Variants in DOCK3 observed in about 807,000 individuals in gnomAD.
DOCK3 encodes the protein dedicator of cytokinesis 3.
In DOCK3, 60 loss-of-function variants were observed where a neutral mutation model predicts 265.6. The observed-to-expected ratio is 0.23, with a 90% CI of 0.18 to 0.28. The LOEUF is 0.28. Ranked by LOEUF, DOCK3 falls within the 10% of genes least tolerant of loss-of-function variation. The probability of loss-of-function intolerance (pLI) is 1.00; values close to 1 mark genes in which losing one functional copy is unlikely to be tolerated. For synonymous variants in DOCK3, 881 were observed against 938.0 expected, an observed-to-expected ratio of 0.94 and a Z score of 1.11; for missense variants, 1,981 against 2,594.3, an observed-to-expected ratio of 0.76 and a Z score of 5.14.
At chr3:51,364,863 C>G (rs1168414962) in intron 49 of DOCK3, among the ~76,000 whole-genome samples, 1 of 152,162 alleles carries the variant, frequency 6.6e-6, no homozygotes, top group Admixed American at 6.5e-5. Context: ...GGTACCAGTA[C>G]CATGCTGTTT....
intron 3 of DOCK3, among the ~76,000 whole-genome samples, chr3:50,874,042 G>GTTTTTT (rs869155239): frequency 8.7e-6 from 1 of 115,176 alleles, no homozygotes; most frequent in African/African-American, 3.3e-5. Flanking sequence ...TCATGAAGGT[G>GTTTTTT]TTTTTTTTTT....
intron 5 of DOCK3, among the ~76,000 whole-genome samples, chr3:50,961,273 G>A (rs981633244): frequency 1.5e-4 from 23 of 152,112 alleles, no homozygotes; most frequent in African/African-American, 4.8e-4. Flanking sequence ...ATTATAGTTG[G>A]CAGATTTTTT....
chr3:51,270,024 A>G (rs2080415768), intron 23 of DOCK3, among the ~76,000 whole-genome samples: 1 of 152,098 alleles, frequency 6.6e-6, no homozygotes, highest in Non-Finnish European at 1.5e-5. Flanking sequence ...CTGCCTCCCA[A>G]AGGCTGTGGA....
In DOCK3 at chr3:50,798,688, CTT is replaced by C. The variant is rs150081994; in HGVS notation, c.121+19933_121+19934del. ...TATTTTCTCCCATTCTGTAGGTTGT[CTT>C]TTCACTTTATTATTTCCTTTGCTGT... On this transcript the variant is annotated intron_variant, in intron 2 of 52. Transcript: ENST00000266037. Among the ~76,000 whole-genome samples the C allele has an allele frequency of 1.8e-4, 28 of 152,026 alleles. No individual in the cohort carries two copies. The East Asian group carries it at 3.5e-3, about 19-fold the overall frequency.
chr3:50,849,905 G>A (rs1412206183), intron 3 of DOCK3, among the ~76,000 whole-genome samples: 3 of 151,694 alleles, frequency 2.0e-5, no homozygotes, highest in South Asian at 2.1e-4. Context: ...GCAACATAGC[G>A]AAACCTCGTC....
chr3:51,231,576 G>A (rs906799790), intron 19 of DOCK3, among the ~76,000 whole-genome samples: 1 of 152,100 alleles, frequency 6.6e-6, no homozygotes, highest in Non-Finnish European at 1.5e-5. Flanking sequence ...AGAAGTGTCT[G>A]TCCATGTCTT....
intron 9 of DOCK3, among the ~76,000 whole-genome samples, chr3:51,107,157 A>G (rs55874849): frequency 0.078 from 11,813 of 152,256 alleles, 605 homozygotes; most frequent in Non-Finnish European, 0.12. Context: ...TTATATCACA[A>G]TCAAACCCCC....
chr3:51,033,287 T>A (rs1224657396), intron 5 of DOCK3, among the ~76,000 whole-genome samples: 1 of 152,200 alleles, frequency 6.6e-6, no homozygotes, highest in African/African-American at 2.4e-5. Flanking sequence ...CAAAACAATC[T>A]CATAATAAGC....
intron 5 of DOCK3, among the ~76,000 whole-genome samples, chr3:50,967,521 G>T (rs1016121090): frequency 3.9e-5 from 6 of 152,088 alleles, no homozygotes; most frequent in African/African-American, 1.4e-4. Context: ...ACCCATATTA[G>T]TCCCTTTTCA....
At chr3:51,367,238 A>T (rs1184552675) in intron 49 of DOCK3, among the ~76,000 whole-genome samples, 1 of 152,300 alleles carries the variant, frequency 6.6e-6, no homozygotes, top group African/African-American at 2.4e-5. Context: ...CTTTACCGTT[A>T]TGTAATGGCC....
intron 16 of DOCK3, among the ~76,000 whole-genome samples, chr3:51,227,694 A>G (rs2090388265): frequency 6.6e-6 from 1 of 152,194 alleles, no homozygotes; most frequent in Non-Finnish European, 1.5e-5. Context: ...ATCCATTGTC[A>G]TTCTCCTTTG....
At chr3:50,903,426 T>C (rs1195349611) in intron 4 of DOCK3, among the ~76,000 whole-genome samples, 4 of 152,210 alleles carry the variant, frequency 2.6e-5, no homozygotes, top group Admixed American at 2.6e-4. Context: ...GAGATAATCA[T>C]GTTGTTTTTG....
intron 21 of DOCK3, among the ~76,000 whole-genome samples, chr3:51,243,057 G>A (rs1261272576): frequency 6.6e-6 from 1 of 152,162 alleles, no homozygotes; most frequent in East Asian, 1.9e-4. Context: ...CCCTAGGAGA[G>A]GCCAGCCAAC....
intron 5 of DOCK3, among the ~76,000 whole-genome samples, chr3:51,046,708 A>G (rs1322506507): frequency 6.6e-6 from 1 of 152,156 alleles, no homozygotes; most frequent in Non-Finnish European, 1.5e-5. Flanking sequence ...AGTCCTGAAC[A>G]ACAGTATAGA....
At chr3:51,070,802 A>G (rs751304301) in intron 6 of DOCK3, among the ~76,000 whole-genome samples, 2 of 152,144 alleles carry the variant, frequency 1.3e-5, no homozygotes, top group Non-Finnish European at 1.5e-5. Flanking sequence ...GTGAGCCAGT[A>G]TTACTACCTG....
chr3:50,936,369 G>C (rs1376744352), intron 5 of DOCK3, among the ~76,000 whole-genome samples: 1 of 150,370 alleles, frequency 6.7e-6, no homozygotes, highest in Non-Finnish European at 1.5e-5. Flanking sequence ...ACAGGATGTG[G>C]AGCCAAAAAA....
intron 2 of DOCK3, among the ~76,000 whole-genome samples, chr3:50,820,526 A>G (rs967232081): frequency 1.9e-4 from 29 of 152,236 alleles, no homozygotes; most frequent in African/African-American, 6.3e-4. Context: ...ATGGCTGCAT[A>G]GTATTCCACG....
intron 13 of DOCK3, 108 bp downstream of exon 13, chr3:51,208,970 T>A: frequency 1.1e-6 from 1 of 925,642 alleles, no homozygotes; most frequent in Non-Finnish European, 1.6e-6. Context: ...CTACAGATAT[T>A]TATTCTCCTG....
At chr3:51,327,359 T>C (rs757659322) in intron 32 of DOCK3, among the ~76,000 whole-genome samples, 2 of 152,160 alleles carry the variant, frequency 1.3e-5, no homozygotes, top group Non-Finnish European at 2.9e-5. Flanking sequence ...ATGTAGAAAC[T>C]TGGGCTTAGA....
Sources: allele counts gnomAD v4.1 joint callset (sites outside exome capture counted in the v4.1 genomes callset), GRCh38; gene constraint gnomAD v4.1.1; transcripts MANE v1.5; gene names NCBI Gene and HGNC (gene_info 2026-07-23, HGNC 2026-07-21).